Variants in CDH18 observed in about 807,000 individuals in gnomAD.
The protein encoded by CDH18 is cadherin 18, also known as cadherin-18.
Under a neutral mutation model 67.9 loss-of-function variants are expected in CDH18, and 31 were observed. The ratio of observed to expected loss-of-function variants is 0.46; its 90% confidence interval spans 0.34 to 0.62. The LOEUF (loss-of-function observed/expected upper bound fraction) is 0.62, where lower values mean the gene tolerates loss of function less well. Ranked by LOEUF, CDH18 falls within the 20% of genes least tolerant of loss-of-function variation. The probability of loss-of-function intolerance (pLI) is 0.01; values close to 1 mark genes in which losing one functional copy is unlikely to be tolerated. For synonymous variants in CDH18, 362 were observed against 347.2 expected, an observed-to-expected ratio of 1.04 and a Z score of -0.48; for missense variants, 890 against 975.5, an observed-to-expected ratio of 0.91 and a Z score of 1.17.
At chr5:19,834,108 T>C (rs56232548) in intron 3 of CDH18, among the ~76,000 whole-genome samples, 8,495 of 152,104 alleles carry the variant, frequency 0.056, 304 homozygotes, top group Non-Finnish European at 0.076. Context: ...AGCCCCTTTT[T>C]ATATTTCTGG....
chr5:19,587,169 C>A (rs1390148793), intron 7 of CDH18, among the ~76,000 whole-genome samples: 1 of 151,838 alleles, frequency 6.6e-6, no homozygotes, highest in South Asian at 2.1e-4. Flanking sequence ...GTCTGTTTAA[C>A]CTGTTGATAG....
chr5:20,547,809 A>G lies in CDH18; in HGVS notation c.-580+27653T>C. On this transcript the variant is annotated intron_variant, in intron 1 of 14. Transcript: ENST00000507958. ...CAGAGTCAGTAAGATTTCAGTGTGT[A>G]ACTTCATGTTTAGTTTACTTAGTTG... Among the ~76,000 whole-genome samples the G allele has an allele frequency of 1.3e-5, 2 of 152,146 alleles. 1 individual carries two copies. The highest frequency in any genetic ancestry group is 2.9e-5 in the Non-Finnish European group (2 of 68,012).
intron 1 of CDH18, among the ~76,000 whole-genome samples, chr5:20,538,700 A>T (rs1756863816): frequency 6.6e-6 from 1 of 152,094 alleles, no homozygotes; most frequent in African/African-American, 2.4e-5. Context: ...ATTTCATTTC[A>T]TTTACTTAAT....
At chr5:20,219,501 A>T (rs1173208678) in intron 2 of CDH18, among the ~76,000 whole-genome samples, 1 of 140,972 alleles carries the variant, frequency 7.1e-6, no homozygotes, top group Non-Finnish European at 1.5e-5. Flanking sequence ...CCCTGATACT[A>T]AAACTAAAGA....
intron 2 of CDH18, among the ~76,000 whole-genome samples, chr5:20,252,794 G>A (rs1264207882): frequency 5.9e-5 from 9 of 151,846 alleles, no homozygotes; most frequent in Non-Finnish European, 1.0e-4. Context: ...AACATTAGCC[G>A]GGCGTGGTGG....
At chr5:20,554,613 A>T (rs1445513487) in intron 1 of CDH18, among the ~76,000 whole-genome samples, 1 of 152,158 alleles carries the variant, frequency 6.6e-6, no homozygotes, top group Non-Finnish European at 1.5e-5. Context: ...ACATCTTCCA[A>T]AGATAGCAAT....
At chr5:20,541,891 A>G (rs1757069766) in intron 1 of CDH18, among the ~76,000 whole-genome samples, 1 of 152,178 alleles carries the variant, frequency 6.6e-6, no homozygotes, top group African/African-American at 2.4e-5. Context: ...TTAAACATTC[A>G]TTAGCTTTAC....
chr5:20,517,290 C>G (rs1755437286), intron 1 of CDH18, among the ~76,000 whole-genome samples: 1 of 151,070 alleles, frequency 6.6e-6, no homozygotes, highest in Non-Finnish European at 1.5e-5. Flanking sequence ...TTTGTTTATT[C>G]AAGAAGACAG....
At chr5:19,652,551 T>C (rs1156926570) in intron 5 of CDH18, among the ~76,000 whole-genome samples, 2 of 152,146 alleles carry the variant, frequency 1.3e-5, no homozygotes, top group Non-Finnish European at 2.9e-5. Flanking sequence ...TTTAAGAATG[T>C]GGATACATCA....
At chr5:19,535,915 G>T (rs527786463) in intron 9 of CDH18, among the ~76,000 whole-genome samples, 3 of 152,236 alleles carry the variant, frequency 2.0e-5, no homozygotes, top group African/African-American at 7.2e-5. Context: ...TTGGTGAACT[G>T]ACCAGGTCAA....
At chr5:20,274,542 C>T (rs1366298134) in intron 1 of CDH18, among the ~76,000 whole-genome samples, 1 of 151,960 alleles carries the variant, frequency 6.6e-6, no homozygotes, top group Non-Finnish European at 1.5e-5. Flanking sequence ...TTTGCAATGG[C>T]CTTCATAGAT....
At chr5:20,440,198 T>G (rs1324929288) in intron 1 of CDH18, among the ~76,000 whole-genome samples, 1 of 151,810 alleles carries the variant, frequency 6.6e-6, no homozygotes, top group Non-Finnish European at 1.5e-5. Flanking sequence ...TAGCATTAGA[T>G]CCTAGGAGAA....
intron 8 of CDH18, among the ~76,000 whole-genome samples, chr5:19,567,384 C>G (rs887357165): frequency 4.0e-5 from 6 of 151,846 alleles, no homozygotes; most frequent in Non-Finnish European, 5.9e-5. Flanking sequence ...TACAAAAGAC[C>G]GAAGTCAGGA....
At chr5:20,232,018 T>G (rs750783607) in intron 2 of CDH18, among the ~76,000 whole-genome samples, 6 of 116,764 alleles carry the variant, frequency 5.1e-5, no homozygotes, top group Non-Finnish European at 8.6e-5. Context: ...TCTTCTAATA[T>G]TTTTTTACCA....
intron 1 of CDH18, among the ~76,000 whole-genome samples, chr5:20,295,067 CAATT>C (rs978683048): frequency 1.3e-4 from 20 of 152,072 alleles, no homozygotes; most frequent in Non-Finnish European, 1.0e-4. Context: ...TTAAATGTCA[CAATT>C]AAAGTTTCCA....
chr5:20,448,827 T>C (rs1489571555), intron 1 of CDH18, among the ~76,000 whole-genome samples: 1 of 152,146 alleles, frequency 6.6e-6, no homozygotes, highest in Non-Finnish European at 1.5e-5. Context: ...ACCAAAACAA[T>C]GACCAAAATG....
chr5:19,881,099 A>G (rs1787590592), intron 2 of CDH18, among the ~76,000 whole-genome samples: 1 of 152,200 alleles, frequency 6.6e-6, no homozygotes, highest in Non-Finnish European at 1.5e-5. Flanking sequence ...CGGTGCCATA[A>G]GCTAGACAAT....
intron 11 of CDH18, among the ~76,000 whole-genome samples, chr5:19,494,464 G>T (rs1455255778): frequency 6.6e-6 from 1 of 152,156 alleles, no homozygotes; most frequent in Non-Finnish European, 1.5e-5. Context: ...TGTTTCTAGA[G>T]TCTAACTCCG....
chr5:20,287,254 T>C (rs1746760684), intron 1 of CDH18, among the ~76,000 whole-genome samples: 1 of 151,746 alleles, frequency 6.6e-6, no homozygotes, highest in Admixed American at 6.6e-5. Flanking sequence ...TATATCTTAA[T>C]TGGAATTGAT....
Sources: allele counts gnomAD v4.1 joint callset (sites outside exome capture counted in the v4.1 genomes callset), GRCh38; gene constraint gnomAD v4.1.1; transcripts MANE v1.5; gene names NCBI Gene and HGNC (gene_info 2026-07-23, HGNC 2026-07-21).